Variants in GSTK1 observed in about 807,000 individuals in gnomAD.
The protein encoded by GSTK1 is GST class-kappa.
GSTK1 carries 25 observed loss-of-function variants against 30.9 expected under a neutral mutation model. That is an observed-to-expected ratio of 0.81 (90% CI 0.59 to 1.13). The LOEUF is 1.13. Ranked by LOEUF, GSTK1 falls within the 50% of genes most tolerant of loss-of-function variation. The pLI, the probability that GSTK1 is intolerant of heterozygous loss-of-function variation, is 0.00. For synonymous variants in GSTK1, 108 were observed against 112.5 expected, an observed-to-expected ratio of 0.96 and a Z score of 0.25; for missense variants, 292 against 292.4, an observed-to-expected ratio of 1.00 and a Z score of 0.01.
Position 143,268,925 on chromosome 7 carries a change from A to G in GSTK1, c.*88A>G, listed in dbSNP as rs1249307370. ...TCCACCATAAGGCACTGGGACTCGG[A>G]TTTCTCTATCTGATAGAGGTATTTT... On this transcript the variant is annotated 3_prime_UTR_variant, in exon 8 of 8. Coordinates refer to ENST00000358406, the MANE Select transcript of GSTK1 (RefSeq NM_015917.3). This position sits in a 1 kb window ranked among gnomAD's most constrained non-coding sequence, Gnocchi z 4.1. 2.1e-5 allele frequency: 23 copies of G among 1,105,942 alleles called. No homozygotes were observed. The highest frequency in any genetic ancestry group is 3.2e-5 in the Non-Finnish European group (23 of 721,004). 68.5% of individuals were successfully genotyped at this position (1,105,942 alleles called of 1,614,324 possible).
intron 1 of GSTK1, 177 bp downstream of exon 1, chr7:143,263,762 C>T (rs1800783906): frequency 1.6e-6 from 1 of 628,408 alleles, no homozygotes; most frequent in African/African-American, 1.8e-5. Context: ...GGAATAGAGT[C>T]GCTGGCTCCA....
chr7:143,264,223 C>T, intron 2 of GSTK1, 56 bp downstream of exon 2: 2 of 1,457,600 alleles, frequency 1.4e-6, no homozygotes, highest in Non-Finnish European at 1.9e-6. Flanking sequence ...GAGCCGACCC[C>T]AGCGGGTCCT....
At chr7:143,265,166 G>C (rs759227977) in intron 4 of GSTK1, 74 bp downstream of exon 4, 1 of 1,611,134 alleles carries the variant, frequency 6.2e-7, no homozygotes, top group South Asian at 1.1e-5. Context: ...CACGTTTTCA[G>C]GGTCATGATC....
At chr7:143,263,976 G>A in intron 1 of GSTK1, 110 bp from the exon 2 acceptor site, 1 of 882,586 alleles carries the variant, frequency 1.1e-6, no homozygotes, top group South Asian at 1.5e-5. Flanking sequence ...AAACAATGTA[G>A]GGTGTCCGCA....
chr7:143,266,023 CTT>C (rs11296238), intron 5 of GSTK1, among the ~76,000 whole-genome samples: 180 of 69,236 alleles, frequency 2.6e-3, no homozygotes, highest in African/African-American at 8.3e-3. Context: ...ATTTTCCATG[CTT>C]TTTTTTTTTT....
At chr7:143,264,255 A>G (rs1462765936) in intron 2 of GSTK1, 88 bp downstream of exon 2, 4 of 1,169,102 alleles carry the variant, frequency 3.4e-6, no homozygotes, top group Admixed American at 1.8e-5. Context: ...TGGCAGCCAG[A>G]AAGCTGCCCT....
Position 143,264,096 on chromosome 7 carries a change from G to A in GSTK1, c.83G>A (p.Arg28Gln), listed in dbSNP as rs1184216943. The A allele has an allele frequency of 3.7e-6, 6 of 1,613,824 alleles. 1 individual carries two copies. The African/African-American group carries it at 8.0e-5, about 22-fold the overall frequency. ...GACCTCTGCCCGCAGATCCTGTGCC[G>A]GTATCAGAATATCTGGAACATCAAC... is the stretch of plus-strand genomic sequence containing the variant. ...YSWLGFEILC[R>Q]YQNIWNINLQ... Residue 28 changes from arginine to glutamine, a missense_variant, in exon 2 of 8, where the codon CGG becomes CAG. Physicochemically the swap from Arg to Gln is conservative, Grantham distance 43 (BLOSUM62 1). Coordinates refer to ENST00000358406, the MANE Select transcript of GSTK1 (RefSeq NM_015917.3).
chr7:143,266,363 C>G (rs1484379440), intron 5 of GSTK1, among the ~76,000 whole-genome samples: 3 of 152,018 alleles, frequency 2.0e-5, no homozygotes, highest in Non-Finnish European at 4.4e-5. Context: ...AAGTATAGTT[C>G]TTTGTTTCTA....
rs182082010 is a variant in GSTK1 at position 143,268,230 on chromosome 7, C to T, written c.631+46C>T. ...ACCCTGAGCCAGGTGCAGTGGCTCA[C>T]GCCTGTAATCCCAGCACTTTGGTAG... On this transcript the variant is annotated intron_variant, in intron 7 of 7. Transcript: ENST00000358406. This position sits in a 1 kb window ranked among gnomAD's most constrained non-coding sequence, Gnocchi z 4.1. The T allele has an allele frequency of 9.6e-5, 136 of 1,418,112 alleles. No individual in the cohort carries two copies. The East Asian group carries it at 2.6e-3, about 27-fold the overall frequency. 87.8% of individuals were successfully genotyped at this position (1,418,112 alleles called of 1,614,324 possible).
Position 143,268,724 on chromosome 7 carries a change from G to A in GSTK1, c.632-64G>A, listed in dbSNP as rs1163681133. On this transcript the variant is annotated intron_variant, in intron 7 of 7. Coordinates refer to ENST00000358406, the MANE Select transcript of GSTK1 (RefSeq NM_015917.3). The surrounding 1 kb of genome is among the most constrained non-coding windows in gnomAD (Gnocchi z 4.1). ...CTAGAAAACCCCTGGGACCTTGTGG[G>A]ACCAACTCCTGCTGCCAGAACACCT... The A allele has an allele frequency of 6.7e-7, 1 of 1,484,670 alleles. No homozygotes were observed. Among genetic ancestry groups the A allele is most frequent in the African/African-American group, 1.4e-5 (1 of 72,210 alleles). 92.0% of individuals were successfully genotyped at this position (1,484,670 alleles called of 1,614,324 possible).
chr7:143,265,020 C>T lies in GSTK1; in HGVS notation c.312C>T (p.Thr104=), dbSNP rs747935768. 1 of 1,614,142 alleles carries T rather than the reference C, an allele frequency of 6.2e-7. No individual in the cohort carries two copies. The highest frequency in any genetic ancestry group is 8.5e-7 in the Non-Finnish European group (1 of 1,180,032). ...KGSLSAMRFL[T]AVNLEHPEML... is the part of the protein sequence containing the mutation. ...GTTTGTCTGCCATGCGTTTCCTCAC[C>T]GCCGTGAACTTGGAGCATCCAGAGA... Residue 104 remains threonine (T), a synonymous_variant, in exon 4 of 8, where the codon ACC becomes ACT. Transcript: ENST00000358406.
At chr7:143,266,653 CTTTTTT>C (rs35527374) in intron 5 of GSTK1, among the ~76,000 whole-genome samples, 58 of 63,320 alleles carry the variant, frequency 9.2e-4, no homozygotes, top group Middle Eastern at 0.016. Context: ...TTCTTTCTTT[CTTTTTT>C]TTTTTTTTTT....
chr7:143,263,724 G>A (rs1395910245), intron 1 of GSTK1, 139 bp downstream of exon 1: 3 of 735,282 alleles, frequency 4.1e-6, no homozygotes, highest in Non-Finnish European at 6.8e-6. Context: ...AGAGCTCCGG[G>A]GCTGAAGGTC....
intron 1 of GSTK1, 62 bp from the exon 2 acceptor site, chr7:143,264,024 C>A (rs926470647): frequency 1.4e-6 from 2 of 1,471,912 alleles, no homozygotes; most frequent in Non-Finnish European, 1.9e-6. Context: ...CCTTCCCTTT[C>A]CCTCGGCTCT....
chr7:143,264,877 G>T, intron 3 of GSTK1, 115 bp from the exon 4 acceptor site: 1 of 1,291,064 alleles, frequency 7.7e-7, no homozygotes, highest in Non-Finnish European at 1.1e-6. Context: ...TGGGAACCTT[G>T]GGTGAGAGGC....
chr7:143,264,802 G>C lies in GSTK1; in HGVS notation c.283+126G>C, dbSNP rs1800824301. ...TGAAGCCTGCCTTGGGAAACCTCAG[G>C]ATCAGCCTTGAGCGAGCTGAAGGTT... is the stretch of plus-strand genomic sequence containing the variant. On this transcript the variant is annotated intron_variant, in intron 3 of 7. Coordinates refer to ENST00000358406, the MANE Select transcript of GSTK1 (RefSeq NM_015917.3). 2.9e-6 allele frequency: 4 copies of C among 1,398,548 alleles called. No individual in the cohort carries two copies. The East Asian group carries it at 9.1e-5, about 32-fold the overall frequency. 86.6% of individuals were successfully genotyped at this position (1,398,548 alleles called of 1,614,324 possible). A position where few individuals can be genotyped will look rare whatever the true frequency, so the allele number is the denominator to read the frequency against.
At position 143,268,932 on chromosome 7, in the gene GSTK1, T is replaced by C; in HGVS notation, c.*95T>C. On this transcript the variant is annotated 3_prime_UTR_variant, in exon 8 of 8. Transcript: ENST00000358406. The surrounding 1 kb of genome is among the most constrained non-coding windows in gnomAD (Gnocchi z 4.1). Reference sequence around the variant, plus strand: ...TAAGGCACTGGGACTCGGATTTCTCTATCTGATAGAGGTATTTTCTGTGGC... The same window carrying C: ...TAAGGCACTGGGACTCGGATTTCTCCATCTGATAGAGGTATTTTCTGTGGC... 9.7e-7 allele frequency: 1 copy of C among 1,035,898 alleles called. No homozygotes were observed. Among genetic ancestry groups the C allele is most frequent in the South Asian group, 1.3e-5 (1 of 77,852 alleles). The allele number at this position is 1,035,898 out of a possible 1,614,324, so 64.2% of individuals were successfully genotyped here.
chr7:143,263,619 G>C, intron 1 of GSTK1, 34 bp downstream of exon 1: 2 of 1,579,604 alleles, frequency 1.3e-6, no homozygotes, highest in Non-Finnish European at 1.7e-6. Flanking sequence ...GGCAGTGTCT[G>C]GGGAGTGAGG....
chr7:143,265,722 A>T (rs1225786153), intron 5 of GSTK1, among the ~76,000 whole-genome samples: 1 of 148,518 alleles, frequency 6.7e-6, no homozygotes, highest in Non-Finnish European at 1.5e-5. Context: ...CCAGGGTTAT[A>T]TAGGAGCCTG....
Sources: allele counts gnomAD v4.1 joint callset (sites outside exome capture counted in the v4.1 genomes callset), GRCh38; gene constraint gnomAD v4.1.1; non-coding constraint Gnocchi (gnomAD v3.1); transcripts MANE v1.5; gene names NCBI Gene and HGNC (gene_info 2026-07-23, HGNC 2026-07-21).